USP15: variants seen among roughly 807,000 people sequenced by gnomAD.
The protein encoded by USP15 is ubiquitin specific peptidase 15.
USP15 carries 18 observed loss-of-function variants against 127.1 expected under a neutral mutation model. The observed-to-expected ratio is 0.14, with a 90% confidence interval of 0.10 to 0.21. The LOEUF (loss-of-function observed/expected upper bound fraction) is 0.21, where lower values mean the gene tolerates loss of function less well. Among genes scored for constraint, USP15 ranks in the 10% least tolerant of loss-of-function variants. USP15 has a pLI of 1.00. For missense variants in USP15, 805 were observed against 1,159.9 expected, an observed-to-expected ratio of 0.69 and a Z score of 4.44; for synonymous variants, 364 against 393.7, an observed-to-expected ratio of 0.92 and a Z score of 0.89.
chr12:62,319,636 G>A (rs2064928395), intron 4 of USP15, among the ~76,000 whole-genome samples: 1 of 152,032 alleles, frequency 6.6e-6, no homozygotes, highest in Non-Finnish European at 1.5e-5. Context: ...GCACCTCAAG[G>A]CTTTTGCGTT....
intron 8 of USP15, among the ~76,000 whole-genome samples, chr12:62,358,848 A>T (rs1457508100): frequency 6.6e-6 from 1 of 152,172 alleles, no homozygotes; most frequent in South Asian, 2.1e-4. Context: ...ATATGTGAAG[A>T]TATATGTAGG....
At chr12:62,365,258 T>A (rs533055718) in intron 8 of USP15, among the ~76,000 whole-genome samples, 1 of 152,306 alleles carries the variant, frequency 6.6e-6, no homozygotes, top group African/African-American at 2.4e-5. Context: ...AACTGGTATA[T>A]GAGATGGTAT....
Position 62,333,454 on chromosome 12 carries a change from T to G in USP15, c.683+7521T>G, listed in dbSNP as rs542118892. Among the ~76,000 whole-genome samples the G allele has an allele frequency of 5.3e-5, 8 of 151,992 alleles. No homozygotes were observed. In the South Asian group the frequency reaches 1.7e-3, roughly 32 times the overall value. On this transcript the variant is annotated intron_variant, in intron 6 of 21. Coordinates refer to ENST00000280377, the MANE Select transcript of USP15 (RefSeq NM_001252078.2). ...TAATTTTTGGGTTTTTTTGTTCTTT[T>G]GTTTGTTTGTTTTGTTTTGTTTTTA... is the stretch of plus-strand genomic sequence containing the variant.
chr12:62,342,481 A>C (rs951974375), intron 6 of USP15, among the ~76,000 whole-genome samples: 3 of 152,102 alleles, frequency 2.0e-5, no homozygotes, highest in Admixed American at 6.5e-5. Flanking sequence ...TTTGGAGAAG[A>C]AGCATTCTGG....
intron 14 of USP15, among the ~76,000 whole-genome samples, chr12:62,390,634 A>G (rs1364688299): frequency 6.6e-6 from 1 of 152,154 alleles, no homozygotes; most frequent in African/African-American, 2.4e-5. Flanking sequence ...TGCAACAAAC[A>G]TTTAACATTT....
Position 62,411,706 on chromosome 12 carries a change from T to G in USP15, c.*7331T>G, listed in dbSNP as rs2068046105. 1 of 152,162 alleles carries G rather than the reference T, an allele frequency of 6.6e-6. No homozygotes were observed. Among genetic ancestry groups the G allele is most frequent in the African/African-American group, 2.4e-5 (1 of 41,408 alleles). The allele number at this position is 152,162 out of a possible 1,614,324, so 9.4% of individuals were successfully genotyped here. A position where few individuals can be genotyped will look rare whatever the true frequency, so the allele number is the denominator to read the frequency against. On this transcript the variant is annotated 3_prime_UTR_variant, in exon 22 of 22. Coordinates refer to ENST00000280377, the MANE Select transcript of USP15 (RefSeq NM_001252078.2). ...ACTGGGTGGCTTAAATAACAGAAAT[T>G]TATATTTTCACAGTTCTGGAGGCTG...
rs777452156 is a variant in USP15, at chr12:62,391,776, CAT to C, written c.2234-37_2234-36del. On this transcript the variant is annotated intron_variant, in intron 16 of 21. Transcript: ENST00000280377. ...ATTAAAATATACTTTAATACTAAGACATATTAAATTTTAAAGAAAAAATATGT... is the reference window on the plus strand; with the variant it reads ...ATTAAAATATACTTTAATACTAAGACATTAAATTTTAAAGAAAAAATATGT... 2.7e-6 allele frequency: 4 copies of C among 1,457,410 alleles called. No homozygotes were observed. In the South Asian group the frequency reaches 5.0e-5, roughly 18 times the overall value. The allele number at this position is 1,457,410 out of a possible 1,614,324, so 90.3% of individuals were successfully genotyped here.
At chr12:62,367,266 C>G (rs1357083027) in intron 8 of USP15, among the ~76,000 whole-genome samples, 1 of 151,966 alleles carries the variant, frequency 6.6e-6, no homozygotes, top group East Asian at 1.9e-4. Flanking sequence ...GAGTCTCACT[C>G]TGTCGCCCAG....
chr12:62,359,902 A>G (rs1032333142), intron 8 of USP15, among the ~76,000 whole-genome samples: 1 of 152,122 alleles, frequency 6.6e-6, no homozygotes, highest in Admixed American at 6.6e-5. Context: ...ACCATGTCCC[A>G]TTGGTTCAAA....
At chr12:62,335,009 C>T (rs980958870) in intron 6 of USP15, among the ~76,000 whole-genome samples, 2 of 152,186 alleles carry the variant, frequency 1.3e-5, no homozygotes, top group Admixed American at 6.6e-5. Context: ...CTTCATGAAA[C>T]CACTTCAGCT....
At chr12:62,293,273 T>G (rs893277264) in intron 1 of USP15, among the ~76,000 whole-genome samples, 5 of 152,162 alleles carry the variant, frequency 3.3e-5, no homozygotes, top group Non-Finnish European at 7.4e-5. Context: ...TTCCTTCTTT[T>G]TCTATGCCTA....
chr12:62,361,485 T>C (rs1328079507), intron 8 of USP15, among the ~76,000 whole-genome samples: 1 of 152,010 alleles, frequency 6.6e-6, no homozygotes, highest in Admixed American at 6.6e-5. Context: ...TACAAAGTGG[T>C]TTTACTATCC....
rs1269406206 is a variant in USP15, at chr12:62,325,957, C to T, written c.683+24C>T. The T allele has an allele frequency of 1.9e-6, 3 of 1,593,180 alleles. No homozygotes were observed. The African/African-American group carries it at 4.0e-5, about 21-fold the overall frequency. On this transcript the variant is annotated intron_variant, in intron 6 of 21. Coordinates refer to ENST00000280377, the MANE Select transcript of USP15 (RefSeq NM_001252078.2). ...AAGTAAGTGCTCCCACTTCTTATGG[C>T]TTATTGTATGATTTTGAAGCCCTTG... is the stretch of plus-strand genomic sequence containing the variant.
intron 2 of USP15, among the ~76,000 whole-genome samples, chr12:62,294,936 AG>A (rs2064083871): frequency 6.6e-6 from 1 of 152,192 alleles, no homozygotes; most frequent in South Asian, 2.1e-4. Flanking sequence ...GAAACAAAAT[AG>A]GTAAGCCCTC....
chr12:62,314,930 C>A lies in USP15; in HGVS notation c.475+14C>A. On this transcript the variant is annotated intron_variant, in intron 4 of 21. Transcript: ENST00000280377. ...CTGACACAATAGGTAATGCAAGATC[C>A]TGTCTTGTTTTTAATCCATTGCTAT... 1.3e-6 allele frequency: 2 copies of A among 1,554,004 alleles called. No individual in the cohort carries two copies. Among genetic ancestry groups the A allele is most frequent in the Non-Finnish European group, 1.7e-6 (2 of 1,150,816 alleles).
At chr12:62,387,222 A>G (rs11174454) in intron 11 of USP15, among the ~76,000 whole-genome samples, 9,747 of 152,256 alleles carry the variant, frequency 0.064, 411 homozygotes, top group Middle Eastern at 0.11. Flanking sequence ...AAATTGGACA[A>G]TCAGCTCTAT....
At chr12:62,269,947 AG>A (rs2063308068) in intron 1 of USP15, among the ~76,000 whole-genome samples, 1 of 152,124 alleles carries the variant, frequency 6.6e-6, no homozygotes, top group African/African-American at 2.4e-5. Context: ...TAACTTTTTA[AG>A]GAACTGCTAG....
intron 1 of USP15, among the ~76,000 whole-genome samples, chr12:62,278,871 G>A (rs1326467680): frequency 6.6e-6 from 1 of 152,076 alleles, no homozygotes; most frequent in Non-Finnish European, 1.5e-5. Flanking sequence ...CTACTGTACT[G>A]AAAATGAAAA....
At chr12:62,266,698 A>G (rs547142340) in intron 1 of USP15, among the ~76,000 whole-genome samples, 8 of 152,248 alleles carry the variant, frequency 5.3e-5, no homozygotes, top group South Asian at 2.1e-4. Flanking sequence ...GATTATGTGC[A>G]TTACGAGATT....
Sources: allele counts gnomAD v4.1 joint callset (sites outside exome capture counted in the v4.1 genomes callset), GRCh38; gene constraint gnomAD v4.1.1; transcripts MANE v1.5; gene names NCBI Gene and HGNC (gene_info 2026-07-23, HGNC 2026-07-21).